NNT: variants seen among roughly 807,000 people sequenced by gnomAD.
NNT encodes NAD(P) transhydrogenase, mitochondrial.
A neutral mutation model predicts 104.8 loss-of-function variants in NNT; 50 were observed. That is an observed-to-expected ratio of 0.48 (90% CI 0.38 to 0.60). The LOEUF is 0.60. NNT is among the 20% of genes least tolerant of loss of function. NNT has a pLI of 0.00. For synonymous variants in NNT, 461 were observed against 490.4 expected, an observed-to-expected ratio of 0.94 and a Z score of 0.79; for missense variants, 1,131 against 1,330.7, an observed-to-expected ratio of 0.85 and a Z score of 2.33.
At chr5:43,634,118 G>A (rs976595516) in intron 7 of NNT, among the ~76,000 whole-genome samples, 1 of 152,090 alleles carries the variant, frequency 6.6e-6, no homozygotes, top group Admixed American at 6.6e-5. Context: ...TACTTGTTAG[G>A]ATCTGTAAAA....
At chr5:43,610,331 C>G (rs1205232927) in intron 2 of NNT, among the ~76,000 whole-genome samples, 1 of 151,838 alleles carries the variant, frequency 6.6e-6, no homozygotes, top group Non-Finnish European at 1.5e-5. Flanking sequence ...ATCAGTCTTG[C>G]CCAAAGATCA....
intron 16 of NNT, among the ~76,000 whole-genome samples, chr5:43,658,413 C>T (rs1017293330): frequency 2.6e-5 from 4 of 152,142 alleles, no homozygotes; most frequent in Admixed American, 6.5e-5. Context: ...GTATCACGGA[C>T]ATTGTTAATG....
chr5:43,693,924 A>T (rs1409071142), intron 19 of NNT, among the ~76,000 whole-genome samples: 1 of 152,228 alleles, frequency 6.6e-6, no homozygotes, highest in African/African-American at 2.4e-5. Context: ...ATCTTAGAGT[A>T]TTAATAGTTC....
Position 43,706,600 on chromosome 5 carries a change from G to A in NNT, c.*2196G>A, listed in dbSNP as rs1743099628. 2 of 152,228 alleles carry A rather than the reference G, an allele frequency of 1.3e-5. No individual in the cohort carries two copies. Among genetic ancestry groups the A allele is most frequent in the African/African-American group, 2.4e-5 (1 of 41,542 alleles). 9.4% of individuals were successfully genotyped at this position (152,228 alleles called of 1,614,324 possible). ...TAAATTACTCATCTAAGCAAAAAAT[G>A]TATATAAATCCCATTACTGGGTATA... On this transcript the variant is annotated 3_prime_UTR_variant, in exon 22 of 22. Transcript: ENST00000344920.
chr5:43,669,442 G>T (rs1740920611), intron 17 of NNT, among the ~76,000 whole-genome samples: 2 of 152,110 alleles, frequency 1.3e-5, no homozygotes, highest in Admixed American at 6.6e-5. Context: ...CTGATTATTT[G>T]GAGATACGTC....
rs574564047 is a variant in NNT at position 43,642,200 on chromosome 5, T to C, written c.965-1992T>C. Among the ~76,000 whole-genome samples the C allele has an allele frequency of 8.5e-5, 13 of 152,282 alleles. No homozygotes were observed. The South Asian group carries it at 2.3e-3, about 27-fold the overall frequency. ...CAGCTGATAAATAGAGAAGAGGCTC[T>C]GGCCCTAGAGGGTGGGGATGGTGAT... On this transcript the variant is annotated intron_variant, in intron 7 of 21. Transcript: ENST00000344920.
Position 43,706,011 on chromosome 5 carries a change from G to A in NNT, c.*1607G>A, listed in dbSNP as rs1743086173. 1 of 151,890 alleles carries A rather than the reference G, an allele frequency of 6.6e-6. No individual in the cohort carries two copies. Among genetic ancestry groups the A allele is most frequent in the South Asian group, 2.1e-4 (1 of 4,834 alleles). 9.4% of individuals were successfully genotyped at this position (151,890 alleles called of 1,614,324 possible). On this transcript the variant is annotated 3_prime_UTR_variant, in exon 22 of 22. Coordinates refer to ENST00000344920, the MANE Select transcript of NNT (RefSeq NM_182977.3). ...GCAATTTTGATTTCTTGAAAAGGTA[G>A]TTCCTGCACTCAGTTTAAACTAAAA...
At chr5:43,694,633 C>G (rs1197345779) in intron 19 of NNT, among the ~76,000 whole-genome samples, 3 of 151,984 alleles carry the variant, frequency 2.0e-5, no homozygotes, top group Admixed American at 2.0e-4. Context: ...ATGAAGCCTA[C>G]TTGATTGTGG....
At chr5:43,682,204 G>C (rs1165525733) in intron 19 of NNT, among the ~76,000 whole-genome samples, 3 of 139,230 alleles carry the variant, frequency 2.2e-5, no homozygotes, top group Non-Finnish European at 4.7e-5. Context: ...TGTCTAACTG[G>C]ATTCTTTTTT....
intron 19 of NNT, among the ~76,000 whole-genome samples, chr5:43,682,303 T>G (rs1209479697): frequency 6.9e-6 from 1 of 144,414 alleles, no homozygotes; most frequent in Admixed American, 7.0e-5. Context: ...CTCCGCCTCC[T>G]AGGTTTAAGC....
intron 1 of NNT, among the ~76,000 whole-genome samples, 176 bp from the exon 2 acceptor site, chr5:43,608,967 G>GAA (rs560598725): frequency 2.0e-5 from 3 of 152,148 alleles, no homozygotes; most frequent in Non-Finnish European, 4.4e-5. Flanking sequence ...ACTGGAAAAC[G>GAA]AATTTTGAGC....
At position 43,704,453 on chromosome 5, in the gene NNT, G is replaced by A; in HGVS notation, c.*49G>A. 6.3e-7 allele frequency: 1 copy of A among 1,593,730 alleles called. No individual in the cohort carries two copies. The highest frequency in any genetic ancestry group is 8.6e-7 in the Non-Finnish European group (1 of 1,165,132). ...TAATAATGCCACCTCTGCAGTTTTG[G>A]GAACAGGCAAATAAAGTATCAGTAT... On this transcript the variant is annotated 3_prime_UTR_variant, in exon 22 of 22. Coordinates refer to ENST00000344920, the MANE Select transcript of NNT (RefSeq NM_182977.3).
At chr5:43,700,537 A>G (rs1326212575) in intron 20 of NNT, among the ~76,000 whole-genome samples, 1 of 152,154 alleles carries the variant, frequency 6.6e-6, no homozygotes, top group East Asian at 1.9e-4. Flanking sequence ...TGGCTTTTGA[A>G]TCCAGATCCT....
intron 17 of NNT, 119 bp downstream of exon 17, chr5:43,659,469 A>G (rs6451720): frequency 0.086 from 71,873 of 840,530 alleles, 3,705 homozygotes; most frequent in African/African-American, 0.19. Flanking sequence ...GGTAGCTCAC[A>G]CCTGTAATCC....
chr5:43,653,028 T>C lies in NNT; in HGVS notation c.1874T>C (p.Leu625Pro). The change falls in exon 14 of 22, where the codon CTA (leucine) becomes CCA (proline). Residue 625 changes from leucine to proline, a missense_variant. Physicochemically the swap from Leu to Pro is moderately conservative, Grantham distance 98. Coordinates refer to ENST00000344920, the MANE Select transcript of NNT (RefSeq NM_182977.3). ...TTTTCCTTTGAAAAGATCATGTACC[T>C]AGGCTCGGGTTTGTGCTGTGTCGGT... ...SGYNIEQIMY[L>P]GSGLCCVGAL... 1 of 1,612,258 alleles carries C rather than the reference T, an allele frequency of 6.2e-7. No homozygotes were observed. Among genetic ancestry groups the C allele is most frequent in the Non-Finnish European group, 8.5e-7 (1 of 1,178,788 alleles).
At chr5:43,671,786 A>T (rs1741108692) in intron 17 of NNT, among the ~76,000 whole-genome samples, 1 of 152,064 alleles carries the variant, frequency 6.6e-6, no homozygotes, top group African/African-American at 2.4e-5. Context: ...CTTGAGGAGT[A>T]TCTCTGTGGT....
At chr5:43,692,992 C>G (rs956690618) in intron 19 of NNT, among the ~76,000 whole-genome samples, 22 of 151,952 alleles carry the variant, frequency 1.4e-4, no homozygotes, top group African/African-American at 5.3e-4. Flanking sequence ...CAGCCCTTTC[C>G]TCTTTTTAAA....
rs1739553404 is a variant in NNT, at chr5:43,648,159, G to T, written c.1445-988G>T. The T allele has an allele frequency of 3.6e-6, 4 of 1,114,408 alleles. No homozygotes were observed. In the South Asian group the frequency reaches 9.0e-5, roughly 25 times the overall value. 69.0% of individuals were successfully genotyped at this position (1,114,408 alleles called of 1,614,324 possible). A position where few individuals can be genotyped will look rare whatever the true frequency, so the allele number is the denominator to read the frequency against. On this transcript the variant is annotated intron_variant, in intron 10 of 21. Coordinates refer to ENST00000344920, the MANE Select transcript of NNT (RefSeq NM_182977.3). ...CAGATGGTTAATGGGCTATGCACTGGAACTTTGGATACATGATATGTGGGT... is the reference window on the plus strand; with the variant it reads ...CAGATGGTTAATGGGCTATGCACTGTAACTTTGGATACATGATATGTGGGT...
intron 10 of NNT, among the ~76,000 whole-genome samples, chr5:43,647,533 A>G (rs1422576172): frequency 6.6e-6 from 1 of 152,124 alleles, no homozygotes; most frequent in Non-Finnish European, 1.5e-5. Context: ...AAAAATAAGT[A>G]TTTTTCTTTT....
Sources: allele counts gnomAD v4.1 joint callset (sites outside exome capture counted in the v4.1 genomes callset), GRCh38; gene constraint gnomAD v4.1.1; transcripts MANE v1.5; gene names NCBI Gene and HGNC (gene_info 2026-07-23, HGNC 2026-07-21).